Variants in ANKRD11 observed in about 807,000 individuals in gnomAD.
The protein encoded by ANKRD11 is ankyrin repeat domain 11, also known as ankyrin repeat domain-containing protein 11.
ANKRD11 carries 17 observed loss-of-function variants against 195.7 expected under a neutral mutation model. That is an observed-to-expected ratio of 0.09 (90% CI 0.06 to 0.13). The LOEUF (loss-of-function observed/expected upper bound fraction) is 0.13, where lower values mean the gene tolerates loss of function less well. Among genes scored for constraint, ANKRD11 ranks in the 10% least tolerant of loss-of-function variants. The pLI is 1.00. For synonymous variants in ANKRD11, 1,953 were observed against 1,528.1 expected, an observed-to-expected ratio of 1.28 and a Z score of -6.49; for missense variants, 3,735 against 3,566.1, an observed-to-expected ratio of 1.05 and a Z score of -1.21.
Position 89,278,985 on chromosome 16 carries a change from C to T in ANKRD11, c.7470+87G>A, listed in dbSNP as rs145990864. The T allele has an allele frequency of 3.2e-3, 5,025 of 1,563,002 alleles. 81 individuals carry two copies. Among genetic ancestry groups the T allele is most frequent in the South Asian group, 0.032 (2,714 of 85,676 alleles). On this transcript the variant is annotated intron_variant, in intron 9 of 12. Coordinates refer to ENST00000301030, the MANE Select transcript of ANKRD11 (RefSeq NM_013275.6). ...GAGAGGTCAAGGGCCATGAGTGGGA[C>T]AAGACGGGCTGGAGGAAGCCGTGAC...
intron 1 of ANKRD11, among the ~76,000 whole-genome samples, chr16:89,485,387 G>A (rs1199672625): frequency 6.6e-5 from 10 of 151,552 alleles, no homozygotes; most frequent in Admixed American, 5.9e-4. Flanking sequence ...CCAGCTACTC[G>A]GGAGGCTGAG....
chr16:89,444,383 G>C (rs1279394244), intron 1 of ANKRD11, among the ~76,000 whole-genome samples: 4 of 151,808 alleles, frequency 2.6e-5, no homozygotes, highest in African/African-American at 9.7e-5. Flanking sequence ...GACTTGCTGG[G>C]AAGAGCAGGT....
At chr16:89,375,150 C>T (rs1004689144) in intron 2 of ANKRD11, among the ~76,000 whole-genome samples, 1 of 152,070 alleles carries the variant, frequency 6.6e-6, no homozygotes, top group African/African-American at 2.4e-5. Context: ...CCACACTGCA[C>T]GCTGTAATGA....
At chr16:89,397,190 G>A (rs922756489) in intron 2 of ANKRD11, among the ~76,000 whole-genome samples, 2 of 152,218 alleles carry the variant, frequency 1.3e-5, no homozygotes, top group Middle Eastern at 3.4e-3. Context: ...CACGTCCAAC[G>A]GCGTCTCACA....
At position 89,279,323 on chromosome 16, in the gene ANKRD11, T is replaced by C; in HGVS notation, c.7219A>G (p.Thr2407Ala). The part of the protein sequence containing the change: ...QQQLNTSTQQ[T>A]REVIQQTLAA... ...AGCGTCTGCTGGATCACCTCCCGCG[T>C]CTGCTGCGTGGACGTGTTCAGCTGC... The change falls in exon 9 of 13, where the codon ACG becomes GCG. Residue 2407 changes from threonine to alanine, a missense_variant. Physicochemically the swap from Thr to Ala is moderately conservative, Grantham distance 58. Coordinates refer to ENST00000301030, the MANE Select transcript of ANKRD11 (RefSeq NM_013275.6). The surrounding 1 kb of genome is among the most constrained non-coding windows in gnomAD (Gnocchi z 5.6). 1.9e-6 allele frequency: 3 copies of C among 1,611,840 alleles called. No homozygotes were observed. The highest frequency in any genetic ancestry group is 2.5e-6 in the Non-Finnish European group (3 of 1,179,732).
intron 2 of ANKRD11, among the ~76,000 whole-genome samples, chr16:89,325,818 C>G (rs1384861739): frequency 6.6e-6 from 1 of 152,212 alleles, no homozygotes; most frequent in African/African-American, 2.4e-5. Flanking sequence ...TGACCTTTTG[C>G]TGCAGGACCT....
In ANKRD11 at chr16:89,490,554, C is replaced by G. The variant is rs760908649; in HGVS notation, c.-454G>C. 3 of 424,300 alleles carry G rather than the reference C, an allele frequency of 7.1e-6. No homozygotes were observed. Among genetic ancestry groups the G allele is most frequent in the Non-Finnish European group, 1.2e-5 (3 of 240,620 alleles). 26.3% of individuals were successfully genotyped at this position (424,300 alleles called of 1,614,324 possible). On this transcript the variant is annotated 5_prime_UTR_variant, in exon 1 of 13. Coordinates refer to ENST00000301030, the MANE Select transcript of ANKRD11 (RefSeq NM_013275.6). ...CGGTCCATCGCGCACCGTCTCAGGGCGGCCTCTGGCTCCAGGACCCAGCGG... is the reference window on the plus strand; with the variant it reads ...CGGTCCATCGCGCACCGTCTCAGGGGGGCCTCTGGCTCCAGGACCCAGCGG...
At chr16:89,455,530 A>C (rs1444800944) in intron 1 of ANKRD11, among the ~76,000 whole-genome samples, 1 of 152,092 alleles carries the variant, frequency 6.6e-6, no homozygotes, top group Non-Finnish European at 1.5e-5. Context: ...TCCTTCCAAC[A>C]CTGCATGAGT....
Position 89,305,254 on chromosome 16 carries a change from G to T in ANKRD11, c.178C>A (p.Leu60Met). Reference sequence around the variant, plus strand: ...CCATTGGCGCCCGCGGTGAAGGGCAGCTTCCGCTTGCTGGCTCGCTCCCTC... The same window carrying T: ...CCATTGGCGCCCGCGGTGAAGGGCATCTTCCGCTTGCTGGCTCGCTCCCTC... Reference protein sequence around the residue: ...EVRERASKRKLPFTAGANGEQ... With the variant: ...EVRERASKRKMPFTAGANGEQ... The change falls in exon 4 of 13, where the codon CTG becomes ATG. Residue 60 changes from leucine (L) to methionine (M), a missense_variant. Transcript: ENST00000301030. 6.2e-7 allele frequency: 1 copy of T among 1,613,896 alleles called. No homozygotes were observed. Among genetic ancestry groups the T allele is most frequent in the Non-Finnish European group, 8.5e-7 (1 of 1,179,904 alleles).
At position 89,348,513 on chromosome 16, in the gene ANKRD11, A is replaced by G. The variant is rs867584607; in HGVS notation, c.-59-31435T>C. Among the ~76,000 whole-genome samples, 6 of 152,312 alleles carry G rather than the reference A, an allele frequency of 3.9e-5. No individual in the cohort carries two copies. The East Asian group carries it at 5.8e-4, about 15-fold the overall frequency. On this transcript the variant is annotated intron_variant, in intron 2 of 12. Transcript: ENST00000301030. ...TCCTCTGTTGTGGAAGGGCTTCTAT[A>G]TAACTGACTTTCCTTATTCTTTAAA...
intron 1 of ANKRD11, among the ~76,000 whole-genome samples, chr16:89,443,932 G>A (rs1376291750): frequency 3.9e-5 from 6 of 152,166 alleles, no homozygotes; most frequent in Non-Finnish European, 7.3e-5. Context: ...CCGGGCCGGC[G>A]TCAACACCGA....
At position 89,387,962 on chromosome 16, in the gene ANKRD11, G is replaced by A. The variant is rs1343088994; in HGVS notation, c.-60+30322C>T. Among the ~76,000 whole-genome samples the A allele has an allele frequency of 1.1e-4, 16 of 149,414 alleles. No individual in the cohort carries two copies. The East Asian group carries it at 2.8e-3, about 26-fold the overall frequency. ...CAGGAGGCAGAGGCTGCAGTGAGCC[G>A]AGATGGTGCCACCGCACTCCAGCCT... On this transcript the variant is annotated intron_variant, in intron 2 of 12. Coordinates refer to ENST00000301030, the MANE Select transcript of ANKRD11 (RefSeq NM_013275.6).
At chr16:89,446,440 C>CA (rs1298972975) in intron 1 of ANKRD11, among the ~76,000 whole-genome samples, 2 of 151,994 alleles carry the variant, frequency 1.3e-5, no homozygotes, top group East Asian at 1.9e-4. Context: ...CCCATCTCTA[C>CA]AAAAAACACA....
intron 2 of ANKRD11, among the ~76,000 whole-genome samples, chr16:89,404,732 G>A (rs949778496): frequency 2.0e-5 from 3 of 152,252 alleles, no homozygotes; most frequent in African/African-American, 7.2e-5. Flanking sequence ...CTGGAGAACA[G>A]GCAGGGACAG....
chr16:89,321,405 T>A (rs909910362), intron 2 of ANKRD11, among the ~76,000 whole-genome samples: 78 of 39,624 alleles, frequency 2.0e-3, no homozygotes, highest in African/African-American at 7.4e-3. Context: ...GGCGGGACTG[T>A]GGGGAGGGGA....
At chr16:89,419,984 G>A (rs1298989964) in intron 1 of ANKRD11, 1 of 152,316 alleles carries the variant, frequency 6.6e-6, no homozygotes. Flanking sequence ...GACCAGCCTG[G>A]GCAACACGGC....
chr16:89,436,366 G>A (rs1411277789), intron 1 of ANKRD11, among the ~76,000 whole-genome samples: 2 of 151,938 alleles, frequency 1.3e-5, no homozygotes, highest in African/African-American at 4.8e-5. Context: ...AGTGAGCCAA[G>A]ATCATGCCAC....
intron 2 of ANKRD11, among the ~76,000 whole-genome samples, chr16:89,367,319 CCCT>C (rs1359916764): frequency 1.3e-5 from 2 of 152,244 alleles, no homozygotes; most frequent in Admixed American, 1.3e-4. Flanking sequence ...TACCGGGAGC[CCCT>C]CCTCCTGAGC....
intron 4 of ANKRD11, among the ~76,000 whole-genome samples, chr16:89,295,324 G>T (rs2035343308): frequency 6.6e-6 from 1 of 152,220 alleles, no homozygotes; most frequent in South Asian, 2.1e-4. Context: ...AGTCAAGCAT[G>T]TTGGCGGTGG....
Sources: allele counts gnomAD v4.1 joint callset (sites outside exome capture counted in the v4.1 genomes callset), GRCh38; gene constraint gnomAD v4.1.1; non-coding constraint Gnocchi (gnomAD v3.1); transcripts MANE v1.5; gene names NCBI Gene and HGNC (gene_info 2026-07-23, HGNC 2026-07-21).